C16orf78: variants seen among roughly 807,000 people sequenced by gnomAD.
The protein encoded by C16orf78 is chromosome 16 open reading frame 78.
Under a neutral mutation model 27.3 loss-of-function variants are expected in C16orf78, and 19 were observed. That is an observed-to-expected ratio of 0.70 (90% CI 0.49 to 1.02). The LOEUF (loss-of-function observed/expected upper bound fraction) is 1.02. Ranked by LOEUF, C16orf78 falls within the 50% of genes least tolerant of loss-of-function variation. C16orf78 has a pLI of 0.00. For synonymous variants in C16orf78, 130 were observed against 116.1 expected, an observed-to-expected ratio of 1.12 and a Z score of -0.77; for missense variants, 339 against 337.0, an observed-to-expected ratio of 1.01 and a Z score of -0.05.
intron 4 of C16orf78, among the ~76,000 whole-genome samples, chr16:49,397,730 A>T (rs1408072848): frequency 6.6e-6 from 1 of 152,212 alleles, no homozygotes; most frequent in East Asian, 1.9e-4. Flanking sequence ...GAAGCCATTC[A>T]AGAAACATCC....
At chr16:49,394,698 A>G (rs1965450045) in intron 3 of C16orf78, among the ~76,000 whole-genome samples, 1 of 152,054 alleles carries the variant, frequency 6.6e-6, no homozygotes, top group African/African-American at 2.4e-5. Context: ...GTCAAATGTA[A>G]TATATATTAA....
chr16:49,381,397 T>G (rs1246850739), intron 3 of C16orf78, among the ~76,000 whole-genome samples: 1 of 152,168 alleles, frequency 6.6e-6, no homozygotes, highest in African/African-American at 2.4e-5. Flanking sequence ...TTGAAGCAAT[T>G]GTGAATGGGA....
chr16:49,385,867 A>T (rs1024718123), intron 3 of C16orf78, among the ~76,000 whole-genome samples: 5 of 152,166 alleles, frequency 3.3e-5, no homozygotes, highest in African/African-American at 9.6e-5. Flanking sequence ...TTACCTATTG[A>T]TAATTACTTT....
chr16:49,378,618 C>T (rs1207569445), intron 3 of C16orf78, 25 bp downstream of exon 3: 1 of 1,609,054 alleles, frequency 6.2e-7, no homozygotes, highest in African/African-American at 1.3e-5. Context: ...TTGGCCCCGG[C>T]CACCAGAATC....
intron 3 of C16orf78, among the ~76,000 whole-genome samples, chr16:49,387,236 C>A (rs1032452797): frequency 6.6e-6 from 1 of 152,010 alleles, no homozygotes; most frequent in African/African-American, 2.4e-5. Context: ...TTGTTGGCTG[C>A]ATGTATGTAT....
At position 49,377,746 on chromosome 16, in the gene C16orf78, G is replaced by A. The variant is rs1271526389; in HGVS notation, c.166G>A (p.Val56Met). The change falls in exon 2 of 5, where the codon GTG (valine) becomes ATG (methionine). Residue 56 changes from valine (V) to methionine (M), a missense_variant. Physicochemically the swap from Val to Met is conservative, Grantham distance 21 (BLOSUM62 1). Coordinates refer to ENST00000299191, the MANE Select transcript of C16orf78 (RefSeq NM_144602.4). ...GTCTTTTCAGAAGCAAAAGCCCAAA[G>A]TGGTGACAGTCCTTAAACGAAATAA... ...KQAPEKQKPK[V>M]VTVLKRNKKK... is the part of the protein sequence containing the mutation. 6.9e-6 allele frequency: 11 copies of A among 1,603,880 alleles called. No homozygotes were observed. In the Admixed American group the frequency reaches 1.7e-4, roughly 25 times the overall value.
chr16:49,385,805 CAAAG>C (rs1965343795), intron 3 of C16orf78, among the ~76,000 whole-genome samples: 3 of 151,826 alleles, frequency 2.0e-5, no homozygotes, highest in East Asian at 1.9e-4. Context: ...AAAAAAGAAA[CAAAG>C]AAACTACAAA....
At position 49,396,529 on chromosome 16, in the gene C16orf78, C is replaced by T. The variant is rs1167968608; in HGVS notation, c.501C>T (p.Asn167=). The T allele has an allele frequency of 6.2e-7, 1 of 1,614,220 alleles. No individual in the cohort carries two copies. Among genetic ancestry groups the T allele is most frequent in the Non-Finnish European group, 8.5e-7 (1 of 1,180,034 alleles). ...LDPMLQEGTF[N]SQRATFIRDW... is the part of the protein sequence containing the mutation. ...CCATGTTACAGGAGGGTACCTTTAACAGCCAGAGGGCAACCTTCATAAGAG... is the reference window on the plus strand; with the variant it reads ...CCATGTTACAGGAGGGTACCTTTAATAGCCAGAGGGCAACCTTCATAAGAG... The change falls in exon 4 of 5, where the codon AAC becomes AAT. Residue 167 remains asparagine, a synonymous_variant. Transcript: ENST00000299191.
chr16:49,396,664 G>A lies in C16orf78; in HGVS notation c.636G>A (p.Glu212=). The A allele has an allele frequency of 1.9e-6, 3 of 1,608,788 alleles. No individual in the cohort carries two copies. The highest frequency in any genetic ancestry group is 2.2e-5 in the South Asian group (2 of 91,070). ...METMRMLKPE[E]VLSCRYLRLS... is the part of the protein sequence containing the mutation. ...CCATGAGGATGTTGAAGCCAGAGGA[G>A]GTGCTGAGCTGCCGGTGAGAGCTGC... is the stretch of plus-strand genomic sequence containing the variant. The change falls in exon 4 of 5, where the codon GAG becomes GAA. Residue 212 remains glutamate, a synonymous_variant. Transcript: ENST00000299191.
chr16:49,377,672 G>A (rs1015385657), intron 1 of C16orf78, 59 bp from the exon 2 acceptor site: 2 of 1,566,944 alleles, frequency 1.3e-6, no homozygotes, highest in Admixed American at 3.8e-5. Flanking sequence ...CTTGGGGAAA[G>A]GGAGGGGATG....
At chr16:49,395,288 C>T (rs938279880) in intron 3 of C16orf78, among the ~76,000 whole-genome samples, 8 of 152,138 alleles carry the variant, frequency 5.3e-5, no homozygotes, top group African/African-American at 1.7e-4. Flanking sequence ...ATTCCATCCT[C>T]CTGAGTAAAA....
At chr16:49,392,765 T>A (rs1195385399) in intron 3 of C16orf78, among the ~76,000 whole-genome samples, 1 of 152,332 alleles carries the variant, frequency 6.6e-6, no homozygotes, top group East Asian at 1.9e-4. Context: ...GTGTCGCTGA[T>A]GCCTGGTGTA....
rs763451586 is a variant in C16orf78 at position 49,373,916 on chromosome 16, C to G, written c.-24C>G. ...TGAGACAGTGCCAGCCACCTCCCAC[C>G]CAAGCCACTAGCAAGACTCCACAAT... On this transcript the variant is annotated 5_prime_UTR_variant, in exon 1 of 5. Coordinates refer to ENST00000299191, the MANE Select transcript of C16orf78 (RefSeq NM_144602.4). The G allele has an allele frequency of 6.2e-7, 1 of 1,613,312 alleles. No individual in the cohort carries two copies. Among genetic ancestry groups the G allele is most frequent in the East Asian group, 2.2e-5 (1 of 44,870 alleles).
chr16:49,387,818 A>G (rs1596927225), intron 3 of C16orf78, among the ~76,000 whole-genome samples: 1 of 151,978 alleles, frequency 6.6e-6, no homozygotes, highest in African/African-American at 2.4e-5. Flanking sequence ...TAATTTATCC[A>G]TTTTTTCTAG....
In C16orf78 at chr16:49,373,835, A is replaced by T; in HGVS notation, c.-105A>T. Reference sequence around the variant, plus strand: ...CCCTTTATGTTCACATCTGGAGGCCACACCCTACCTTCTAAGTCACCAGGC... The same window carrying T: ...CCCTTTATGTTCACATCTGGAGGCCTCACCCTACCTTCTAAGTCACCAGGC... On this transcript the variant is annotated 5_prime_UTR_variant, in exon 1 of 5. Coordinates refer to ENST00000299191, the MANE Select transcript of C16orf78 (RefSeq NM_144602.4). 2 of 1,421,102 alleles carry T rather than the reference A, an allele frequency of 1.4e-6. No homozygotes were observed. Among genetic ancestry groups the T allele is most frequent in the Non-Finnish European group, 1.9e-6 (2 of 1,032,764 alleles). 88.0% of individuals were successfully genotyped at this position (1,421,102 alleles called of 1,614,324 possible). A position where few individuals can be genotyped will look rare whatever the true frequency, so the allele number is the denominator to read the frequency against.
Position 49,373,883 on chromosome 16 carries a change from C to A in C16orf78, c.-57C>A, listed in dbSNP as rs953956891. The A allele has an allele frequency of 5.6e-5, 90 of 1,597,726 alleles. 1 individual carries two copies. The Admixed American group carries it at 1.5e-3, about 27-fold the overall frequency. Reference sequence around the variant, plus strand: ...GGCCATCAAGTCCAGACAAAGGGATCGAAAGAGTGAGACAGTGCCAGCCAC... The same window carrying A: ...GGCCATCAAGTCCAGACAAAGGGATAGAAAGAGTGAGACAGTGCCAGCCAC... On this transcript the variant is annotated 5_prime_UTR_variant, in exon 1 of 5. It introduces an in-frame stop codon into an upstream open reading frame of the 5' UTR. Transcript: ENST00000299191.
At chr16:49,398,695 C>T (rs911226628) in intron 4 of C16orf78, among the ~76,000 whole-genome samples, 1 of 152,162 alleles carries the variant, frequency 6.6e-6, no homozygotes, top group Non-Finnish European at 1.5e-5. Context: ...CTAACTGTGG[C>T]CTTTTAATTA....
At chr16:49,382,057 A>G (rs1180036999) in intron 3 of C16orf78, among the ~76,000 whole-genome samples, 1 of 152,220 alleles carries the variant, frequency 6.6e-6, no homozygotes, top group African/African-American at 2.4e-5. Context: ...AATGTGGCAC[A>G]TACACACAAT....
intron 1 of C16orf78, 52 bp downstream of exon 1, chr16:49,374,141 A>T (rs775046946): frequency 6.3e-7 from 1 of 1,596,248 alleles, no homozygotes; most frequent in Non-Finnish European, 8.5e-7. Context: ...AGGTAGTTGC[A>T]GTAGGGGAGA....
Sources: gnomAD v4.1 joint callset for allele counts (sites outside exome capture counted in the v4.1 genomes callset) on GRCh38, gnomAD v4.1.1 for gene constraint, MANE v1.5 for transcripts, NCBI Gene and HGNC (gene_info 2026-07-23, HGNC 2026-07-21) for gene names.